Variants in FMN2 observed in about 807,000 individuals in gnomAD.
FMN2 encodes the protein formin 2.
FMN2 carries 51 observed loss-of-function variants against 142.3 expected under a neutral mutation model. That is an observed-to-expected ratio of 0.36 (90% CI 0.29 to 0.45). The LOEUF (loss-of-function observed/expected upper bound fraction) is 0.45, where lower values mean the gene tolerates loss of function less well. Ranked by LOEUF, FMN2 falls within the 20% of genes least tolerant of loss-of-function variation. FMN2 has a pLI of 1.00. For missense variants in FMN2, 1,936 were observed against 2,122.8 expected (o/e 0.91, Z 1.73); for synonymous variants, 882 against 869.8 (o/e 1.01, Z -0.25).
intron 16 of FMN2, among the ~76,000 whole-genome samples, chr1:240,453,544 A>G (rs955117685): frequency 2.0e-5 from 3 of 152,192 alleles, no homozygotes; most frequent in Non-Finnish European, 4.4e-5. Flanking sequence ...GGAAATTACT[A>G]CTATTATTAT....
At chr1:240,419,015 G>A (rs1335702872) in intron 15 of FMN2, among the ~76,000 whole-genome samples, 1 of 152,252 alleles carries the variant, frequency 6.6e-6, no homozygotes, top group African/African-American at 2.4e-5. Context: ...GGCTGAGGCA[G>A]GAGAACTGCT....
At chr1:240,163,899 G>A (rs923897431) in intron 2 of FMN2, among the ~76,000 whole-genome samples, 2 of 151,648 alleles carry the variant, frequency 1.3e-5, no homozygotes, top group East Asian at 3.9e-4. Flanking sequence ...TTAAGACAAG[G>A]TCTCCCTCTG....
At chr1:240,244,204 A>G (rs886870530) in intron 6 of FMN2, among the ~76,000 whole-genome samples, 2 of 152,220 alleles carry the variant, frequency 1.3e-5, no homozygotes, top group African/African-American at 4.8e-5. Flanking sequence ...GAAGAAAGCA[A>G]TATGCTCTTT....
intron 2 of FMN2, among the ~76,000 whole-genome samples, chr1:240,127,518 C>G (rs1473486774): frequency 6.6e-6 from 1 of 151,950 alleles, no homozygotes; most frequent in Non-Finnish European, 1.5e-5. Flanking sequence ...TGCTCTGTTG[C>G]CCAGGTTGGA....
chr1:240,468,937 CT>C (rs1256778418), intron 16 of FMN2, among the ~76,000 whole-genome samples: 2 of 152,146 alleles, frequency 1.3e-5, no homozygotes, highest in Non-Finnish European at 2.9e-5. Flanking sequence ...GGGACACATT[CT>C]TTTTTCCTGC....
At chr1:240,265,315 T>C (rs1668761803) in intron 7 of FMN2, among the ~76,000 whole-genome samples, 1 of 152,124 alleles carries the variant, frequency 6.6e-6, no homozygotes, top group South Asian at 2.1e-4. Flanking sequence ...TTAACAGAGT[T>C]CCTTGCTCTT....
At chr1:240,151,542 C>T (rs532688493) in intron 2 of FMN2, among the ~76,000 whole-genome samples, 1 of 152,082 alleles carries the variant, frequency 6.6e-6, no homozygotes, top group East Asian at 1.9e-4. Context: ...CCGGTGTGGG[C>T]GAAGTCTGGA....
chr1:240,347,425 T>C (rs921383315), intron 13 of FMN2, among the ~76,000 whole-genome samples: 2 of 152,190 alleles, frequency 1.3e-5, no homozygotes, highest in African/African-American at 2.4e-5. Context: ...CCAGACTCTA[T>C]ATCCATTCGG....
At chr1:240,226,081 G>A (rs906318811) in intron 6 of FMN2, among the ~76,000 whole-genome samples, 12 of 152,146 alleles carry the variant, frequency 7.9e-5, no homozygotes, top group African/African-American at 2.7e-4. Flanking sequence ...ACCAGTGTAT[G>A]TGAACTATAT....
chr1:240,190,639 G>A (rs945377806), intron 4 of FMN2, among the ~76,000 whole-genome samples: 2 of 152,090 alleles, frequency 1.3e-5, no homozygotes, highest in South Asian at 2.1e-4. Flanking sequence ...GGGTAGGCTC[G>A]CTATTTGAGT....
intron 4 of FMN2, among the ~76,000 whole-genome samples, chr1:240,195,890 A>G (rs1665892366): frequency 6.6e-6 from 1 of 152,032 alleles, no homozygotes; most frequent in South Asian, 2.1e-4. Flanking sequence ...CCATGGTGGC[A>G]TGAGCTACTT....
intron 1 of FMN2, among the ~76,000 whole-genome samples, chr1:240,107,212 A>G (rs1353266039): frequency 6.6e-6 from 1 of 152,112 alleles, no homozygotes. Flanking sequence ...GAGCAATTTC[A>G]TCATCACTGG....
chr1:240,160,416 C>G (rs1344541954), intron 2 of FMN2, among the ~76,000 whole-genome samples: 1 of 150,714 alleles, frequency 6.6e-6, no homozygotes, highest in Non-Finnish European at 1.5e-5. Context: ...GTAAGGTCAG[C>G]TTCACATTTA....
chr1:240,208,189 G>A lies in FMN2; in HGVS notation c.3377G>A (p.Gly1126Glu). 9.5e-7 allele frequency: 1 copy of A among 1,049,544 alleles called. No individual in the cohort carries two copies. The highest frequency in any genetic ancestry group is 1.5e-5 in the South Asian group (1 of 68,846). The allele number at this position is 1,049,544 out of a possible 1,614,324, so 65.0% of individuals were successfully genotyped here. The part of the protein sequence containing the change: ...AGIPPPPPLP[G>E]AGIPPPPPLP... ...ATACCCCCTCCTCCCCCTCTACCCGGAGCGGGCATACCCCCTCCTCCCCCT... is the reference window on the plus strand; with the variant it reads ...ATACCCCCTCCTCCCCCTCTACCCGAAGCGGGCATACCCCCTCCTCCCCCT... The change falls in exon 5 of 18, where the codon GGA becomes GAA. Residue 1126 changes from glycine (G) to glutamate (E), a missense_variant. Physicochemically the swap from Gly to Glu is moderately conservative, Grantham distance 98 (BLOSUM62 -2). Coordinates refer to ENST00000319653, the MANE Select transcript of FMN2 (RefSeq NM_020066.5).
chr1:240,146,219 T>TAA lies in FMN2; in HGVS notation c.1782+22889_1782+22890dup, dbSNP rs35158592. Among the ~76,000 whole-genome samples, 529 of 127,068 alleles carry TAA rather than the reference T, an allele frequency of 4.2e-3. 3 individuals are homozygous for TAA. The highest frequency in any genetic ancestry group is 9.4e-3 in the African/African-American group (316 of 33,786). The allele number at this position is 127,068 out of a possible 152,430, so 83.4% of individuals were successfully genotyped here. A position where few individuals can be genotyped will look rare whatever the true frequency, so the allele number is the denominator to read the frequency against. ...TAACATGGAGAAACCCCGTCTCTAC[T>TAA]AAAAAAAAAAAAAAAATACAAAAAA... On this transcript the variant is annotated intron_variant, in intron 2 of 17. Coordinates refer to ENST00000319653, the MANE Select transcript of FMN2 (RefSeq NM_020066.5).
rs1051023818 is a variant in FMN2, at chr1:240,211,327, G to A, written c.4065+92G>A. 32 of 1,258,978 alleles carry A rather than the reference G, an allele frequency of 2.5e-5. No individual in the cohort carries two copies. The African/African-American group carries it at 4.5e-4, about 18-fold the overall frequency. The allele number at this position is 1,258,978 out of a possible 1,614,324, so 78.0% of individuals were successfully genotyped here. ...AAAACTTTGAAATAGTTTTTGGGCT[G>A]TGTAAACCTCCATGGATCTTAGGCA... On this transcript the variant is annotated intron_variant, in intron 6 of 17. Coordinates refer to ENST00000319653, the MANE Select transcript of FMN2 (RefSeq NM_020066.5).
intron 3 of FMN2, among the ~76,000 whole-genome samples, chr1:240,187,015 C>T: frequency 6.6e-6 from 1 of 151,634 alleles, no homozygotes; most frequent in African/African-American, 2.4e-5. Flanking sequence ...GCCTGTCATC[C>T]CAGCACTTTG....
chr1:240,403,944 G>A (rs1035593500), intron 15 of FMN2, among the ~76,000 whole-genome samples: 54 of 152,114 alleles, frequency 3.5e-4, no homozygotes, highest in African/African-American at 1.3e-3. Context: ...ATGGAAGAAC[G>A]CATATTTGTA....
chr1:240,326,737 G>C (rs757860467), intron 8 of FMN2, among the ~76,000 whole-genome samples: 3 of 151,396 alleles, frequency 2.0e-5, no homozygotes, highest in South Asian at 2.1e-4. Context: ...ATGAGGTTTT[G>C]GGTATAGAAA....
Sources: gnomAD v4.1 joint callset for allele counts (sites outside exome capture counted in the v4.1 genomes callset) on GRCh38, gnomAD v4.1.1 for gene constraint, MANE v1.5 for transcripts, NCBI Gene and HGNC (gene_info 2026-07-23, HGNC 2026-07-21) for gene names.